DIS3L2: variants seen among roughly 807,000 people sequenced by gnomAD.
The protein encoded by DIS3L2 is DIS3 like 3'-5' exoribonuclease 2, also known as DIS3-like exonuclease 2.
DIS3L2 carries 34 observed loss-of-function variants against 97.5 expected under a neutral mutation model. That is an observed-to-expected ratio of 0.35 (90% CI 0.27 to 0.46). DIS3L2 has a LOEUF of 0.46. DIS3L2 is among the 20% of genes least tolerant of loss of function. DIS3L2 has a pLI of 1.00. For missense variants in DIS3L2, 1,038 were observed against 1,146.0 expected (o/e 0.91, Z 1.36); for synonymous variants, 435 against 445.2 (o/e 0.98, Z 0.29).
In DIS3L2 at chr2:232,079,599, CAAAAAAAAAAAA is replaced by C. The variant is rs760870721; in HGVS notation, c.367-7873_367-7862del. ...TGGGCGACAGAGCAAGACTCTATCT[CAAAAAAAAAAAA>C]AAAAAAAAAAAAAAGTAAAGAAAAG... On this transcript the variant is annotated intron_variant, in intron 5 of 20. Coordinates refer to ENST00000325385, the MANE Select transcript of DIS3L2 (RefSeq NM_152383.5). Among the ~76,000 whole-genome samples the C allele has an allele frequency of 3.4e-4, 10 of 29,630 alleles. No individual in the cohort carries two copies. In the Admixed American group the frequency reaches 3.9e-3, roughly 12 times the overall value. 19.4% of individuals were successfully genotyped at this position (29,630 alleles called of 152,430 possible). A position where few individuals can be genotyped will look rare whatever the true frequency, so the allele number is the denominator to read the frequency against.
chr2:232,118,021 G>A (rs755227), intron 6 of DIS3L2, among the ~76,000 whole-genome samples: 70,093 of 152,050 alleles, frequency 0.46, 18,764 homozygotes, highest in Non-Finnish European at 0.61. Context: ...GCAGACTGGG[G>A]AAAGATCTGC....
chr2:232,158,461 T>G (rs1690562198), intron 8 of DIS3L2, among the ~76,000 whole-genome samples: 1 of 152,212 alleles, frequency 6.6e-6, no homozygotes, highest in Non-Finnish European at 1.5e-5. Context: ...ATTTGTTTTT[T>G]CTGTCTTAGC....
chr2:232,015,696 A>C, intron 3 of DIS3L2, 25 bp downstream of exon 3: 1 of 1,611,302 alleles, frequency 6.2e-7, no homozygotes, highest in Non-Finnish European at 8.5e-7. Flanking sequence ...CTGGAAGGCT[A>C]TTCTCTGAAT....
intron 9 of DIS3L2, among the ~76,000 whole-genome samples, chr2:232,196,486 A>T (rs1691760752): frequency 6.6e-6 from 1 of 152,148 alleles, no homozygotes. Context: ...TCATCTTAAT[A>T]AAAAACATTC....
chr2:232,333,759 GAGGCT>G lies in DIS3L2; in HGVS notation c.2011-80_2011-76del. 7 of 1,413,152 alleles carry G rather than the reference GAGGCT, an allele frequency of 5.0e-6. No individual in the cohort carries two copies. In the Admixed American group the frequency reaches 1.0e-4, roughly 21 times the overall value. The allele number at this position is 1,413,152 out of a possible 1,614,324, so 87.5% of individuals were successfully genotyped here. ...CTGTCCACACATCGCTGCCGACGGT[GAGGCT>G]GTGGGTGGTGCCAGCCTTCCAGGCC... On this transcript the variant is annotated intron_variant, in intron 16 of 20. Coordinates refer to ENST00000325385, the MANE Select transcript of DIS3L2 (RefSeq NM_152383.5).
At chr2:232,266,085 C>T (rs1345365099) in intron 13 of DIS3L2, among the ~76,000 whole-genome samples, 2 of 152,158 alleles carry the variant, frequency 1.3e-5, no homozygotes, top group African/African-American at 4.8e-5. Flanking sequence ...AGAGACTTTA[C>T]CCCACCAGTT....
At chr2:231,975,114 C>T (rs10192240) in intron 1 of DIS3L2, among the ~76,000 whole-genome samples, 6,378 of 152,104 alleles carry the variant, frequency 0.042, 435 homozygotes, top group African/African-American at 0.14. Context: ...TAGTAAAGAT[C>T]TTAGAATCTC....
chr2:232,141,474 TGGAGGA>T (rs1690037135), intron 8 of DIS3L2, among the ~76,000 whole-genome samples: 2 of 151,346 alleles, frequency 1.3e-5, no homozygotes, highest in Admixed American at 6.6e-5. Context: ...TTTTGAGGGG[TGGAGGA>T]GGAGGAGGAA....
intron 10 of DIS3L2, among the ~76,000 whole-genome samples, chr2:232,211,760 G>A (rs1032680413): frequency 2.6e-5 from 4 of 152,218 alleles, no homozygotes; most frequent in Admixed American, 2.0e-4. Flanking sequence ...GGGAAGCTTA[G>A]TAGATAGAAG....
At chr2:232,127,660 C>T (rs907567859) in intron 6 of DIS3L2, among the ~76,000 whole-genome samples, 1 of 152,184 alleles carries the variant, frequency 6.6e-6, no homozygotes, top group African/African-American at 2.4e-5. Flanking sequence ...AGGCCCACAC[C>T]TGACTTGGCA....
At chr2:232,215,740 C>A (rs1041917874) in intron 10 of DIS3L2, among the ~76,000 whole-genome samples, 2 of 152,112 alleles carry the variant, frequency 1.3e-5, no homozygotes, top group African/African-American at 4.8e-5. Flanking sequence ...TCTTGTGTCC[C>A]CCTGTGTGCC....
intron 6 of DIS3L2, among the ~76,000 whole-genome samples, chr2:232,124,708 A>T (rs1237221445): frequency 6.6e-5 from 10 of 152,184 alleles, no homozygotes; most frequent in African/African-American, 2.4e-4. Flanking sequence ...AGCAGGCGAG[A>T]TACCATTAAG....
chr2:232,176,783 TAATTA>T (rs1691172964), intron 9 of DIS3L2, among the ~76,000 whole-genome samples: 1 of 149,364 alleles, frequency 6.7e-6, no homozygotes, highest in Non-Finnish European at 1.5e-5. Context: ...ATTAATTAAT[TAATTA>T]ATTAATTTAT....
intron 13 of DIS3L2, among the ~76,000 whole-genome samples, chr2:232,287,584 G>A (rs1694480463): frequency 6.6e-6 from 1 of 151,884 alleles, no homozygotes; most frequent in Non-Finnish European, 1.5e-5. Context: ...TAGAGACGGA[G>A]GTCTCGCTCT....
chr2:232,026,330 T>C (rs1194731684), intron 4 of DIS3L2, among the ~76,000 whole-genome samples: 1 of 152,114 alleles, frequency 6.6e-6, no homozygotes, highest in Admixed American at 6.6e-5. Context: ...AAATGTAGAA[T>C]TCTCAGATTT....
chr2:232,042,306 G>A (rs1695130381), intron 5 of DIS3L2, among the ~76,000 whole-genome samples: 1 of 151,722 alleles, frequency 6.6e-6, no homozygotes, highest in African/African-American at 2.4e-5. Context: ...TTAAAGTTTT[G>A]TGTTCCAAGT....
chr2:232,080,134 A>G (rs965154318), intron 5 of DIS3L2, among the ~76,000 whole-genome samples: 3 of 152,202 alleles, frequency 2.0e-5, no homozygotes, highest in Non-Finnish European at 4.4e-5. Context: ...AGATCCATTT[A>G]AAGGAAAGGC....
chr2:232,183,947 C>A lies in DIS3L2; in HGVS notation c.1124+20315C>A, dbSNP rs142145648. 2.0e-3 allele frequency among the ~76,000 whole-genome samples: 310 copies of A among 152,220 alleles called. 1 individual carries two copies. The highest frequency in any genetic ancestry group is 3.7e-3 in the South Asian group (18 of 4,814). On this transcript the variant is annotated intron_variant, in intron 9 of 20. Coordinates refer to ENST00000325385, the MANE Select transcript of DIS3L2 (RefSeq NM_152383.5). The stretch of plus-strand genomic sequence containing the variant: ...GTGACTGCTAGGCCACTGGTTTTCA[C>A]CACGATTACAATGCTGTTGATTTTA...
At chr2:232,275,128 C>T (rs1468901788) in intron 13 of DIS3L2, among the ~76,000 whole-genome samples, 1 of 152,190 alleles carries the variant, frequency 6.6e-6, no homozygotes, top group Non-Finnish European at 1.5e-5. Flanking sequence ...ACACACCTCA[C>T]TCCCTCTAGA....
Sources: gnomAD v4.1 joint callset for allele counts (sites outside exome capture counted in the v4.1 genomes callset) on GRCh38, gnomAD v4.1.1 for gene constraint, MANE v1.5 for transcripts, NCBI Gene and HGNC (gene_info 2026-07-23, HGNC 2026-07-21) for gene names.